NRXN3: variants seen among roughly 807,000 people sequenced by gnomAD.
NRXN3 encodes neurexin III.
Under a neutral mutation model 137.6 loss-of-function variants are expected in NRXN3, and 32 were observed. The observed-to-expected ratio is 0.23, with a 90% confidence interval of 0.18 to 0.31. The LOEUF (loss-of-function observed/expected upper bound fraction) is 0.31. Among genes scored for constraint, NRXN3 ranks in the 10% least tolerant of loss-of-function variants. NRXN3 has a pLI of 1.00. For missense variants in NRXN3, 1,574 were observed against 2,062.5 expected (o/e 0.76, Z 4.59); for synonymous variants, 798 against 784.5 (o/e 1.02, Z -0.29).
chr14:79,617,930 A>AAGAAAAAAAAAAG (rs1555565719), intron 16 of NRXN3, among the ~76,000 whole-genome samples: 1 of 148,734 alleles, frequency 6.7e-6, no homozygotes, highest in African/African-American at 2.6e-5. Context: ...AAAAAAAAAA[A>AAGAAAAAAAAAAG]AACATGCTTA....
chr14:79,274,573 C>G (rs1245489145), intron 15 of NRXN3, among the ~76,000 whole-genome samples: 2 of 150,076 alleles, frequency 1.3e-5, no homozygotes, highest in Admixed American at 6.6e-5. Context: ...TGTAAATGCC[C>G]AAATCTCTCT....
chr14:79,326,132 G>T (rs2090826079), intron 15 of NRXN3, among the ~76,000 whole-genome samples: 1 of 152,222 alleles, frequency 6.6e-6, no homozygotes, highest in South Asian at 2.1e-4. Flanking sequence ...CTTAGTATTT[G>T]TGCCACAGGG....
chr14:78,648,553 A>C (rs1323459520), intron 5 of NRXN3, among the ~76,000 whole-genome samples: 1 of 152,208 alleles, frequency 6.6e-6, no homozygotes, highest in Non-Finnish European at 1.5e-5. Context: ...TATTAATTCT[A>C]AACTGAAGGA....
intron 16 of NRXN3, chr14:79,661,929 CGT>C (rs2153985220): frequency 6.6e-6 from 1 of 152,200 alleles, no homozygotes; most frequent in South Asian, 2.1e-4. Flanking sequence ...ATAATCCCAA[CGT>C]GTTGTGGGAG....
chr14:78,597,028 A>T (rs2097162823), intron 4 of NRXN3, among the ~76,000 whole-genome samples: 1 of 152,168 alleles, frequency 6.6e-6, no homozygotes, highest in Non-Finnish European at 1.5e-5. Context: ...CCTGATCAAC[A>T]GAGAGAGAGT....
At chr14:78,999,045 C>G (rs1167869170) in intron 15 of NRXN3, among the ~76,000 whole-genome samples, 1 of 152,124 alleles carries the variant, frequency 6.6e-6, no homozygotes, top group African/African-American at 2.4e-5. Flanking sequence ...TCTTTGACCA[C>G]TGATTCATGT....
chr14:79,236,264 G>T (rs1361533901), intron 15 of NRXN3, among the ~76,000 whole-genome samples: 1 of 151,954 alleles, frequency 6.6e-6, no homozygotes. Flanking sequence ...AGTACTCAAT[G>T]ATGTATTTCT....
At chr14:78,631,414 C>G (rs184004430) in intron 4 of NRXN3, among the ~76,000 whole-genome samples, 2 of 152,296 alleles carry the variant, frequency 1.3e-5, no homozygotes, top group East Asian at 3.9e-4. Context: ...CTGGGATCTC[C>G]TACCACAGTT....
At chr14:78,850,628 A>T (rs1022142946) in intron 10 of NRXN3, among the ~76,000 whole-genome samples, 1 of 152,158 alleles carries the variant, frequency 6.6e-6, no homozygotes, top group African/African-American at 2.4e-5. Flanking sequence ...AAACAAAGTG[A>T]TGAAAATTTC....
intron 15 of NRXN3, among the ~76,000 whole-genome samples, chr14:79,380,857 C>T (rs763117935): frequency 4.8e-4 from 73 of 152,190 alleles, no homozygotes; most frequent in South Asian, 8.3e-4. Context: ...GGATCTAGAA[C>T]TAGACCTAGA....
intron 4 of NRXN3, among the ~76,000 whole-genome samples, chr14:78,315,734 G>A (rs1403249065): frequency 6.6e-6 from 1 of 152,110 alleles, no homozygotes; most frequent in Non-Finnish European, 1.5e-5. Context: ...GTTTTATTGT[G>A]ATCACTGGGT....
At chr14:78,643,669 C>T (rs536695873) in intron 4 of NRXN3, among the ~76,000 whole-genome samples, 29 of 152,284 alleles carry the variant, frequency 1.9e-4, no homozygotes, top group Middle Eastern at 3.4e-3. Context: ...AACCCCTAGT[C>T]CTCAACCCAT....
At chr14:78,248,314 C>CCCCCCCCCCCCCCCCCCCCCCCCCCA (rs71131639) in intron 2 of NRXN3, among the ~76,000 whole-genome samples, 1 of 47,552 alleles carries the variant, frequency 2.1e-5, no homozygotes, top group African/African-American at 8.0e-5. Context: ...CCCCCCCCCC[C>CCCCCCCCCCCCCCCCCCCCCCCCCCA]CCACCCGCCA....
chr14:79,786,133 C>T (rs1023255624), intron 19 of NRXN3, among the ~76,000 whole-genome samples: 1 of 152,096 alleles, frequency 6.6e-6, no homozygotes, highest in Non-Finnish European at 1.5e-5. Context: ...TTTTATATTA[C>T]CCTTGCTAGT....
rs139233970 is a variant in NRXN3, at chr14:79,462,834, T to C, written c.3263-4387T>C. ...ACATAGACAAATATATATATGCTTATGTATATGTATATGTGCATACACAAT... is the reference window on the plus strand; with the variant it reads ...ACATAGACAAATATATATATGCTTACGTATATGTATATGTGCATACACAAT... On this transcript the variant is annotated intron_variant, in intron 15 of 20. Coordinates refer to ENST00000335750, the MANE Select transcript of NRXN3 (RefSeq NM_001330195.2). Among the ~76,000 whole-genome samples, 1,014 of 151,938 alleles carry C rather than the reference T, an allele frequency of 6.7e-3. 17 individuals carry two copies. Among genetic ancestry groups the C allele is most frequent in the African/African-American group, 0.023 (948 of 41,402 alleles).
intron 15 of NRXN3, among the ~76,000 whole-genome samples, chr14:79,273,638 T>G (rs1433979184): frequency 1.3e-5 from 2 of 151,846 alleles, no homozygotes; most frequent in Non-Finnish European, 2.9e-5. Context: ...CGTCTCAAAA[T>G]AAATAAATAC....
chr14:79,820,381 A>T (rs1021603311), intron 20 of NRXN3, among the ~76,000 whole-genome samples: 3 of 152,182 alleles, frequency 2.0e-5, no homozygotes, highest in Non-Finnish European at 2.9e-5. Flanking sequence ...CCTGAGGTGA[A>T]TAACGTGTTC....
chr14:79,408,992 C>A (rs2095365293), intron 15 of NRXN3, among the ~76,000 whole-genome samples: 1 of 151,996 alleles, frequency 6.6e-6, no homozygotes, highest in Non-Finnish European at 1.5e-5. Context: ...CAGAAATCTC[C>A]TTTGGTCTAT....
chr14:78,956,899 C>T (rs776874162), intron 10 of NRXN3, among the ~76,000 whole-genome samples: 12 of 152,138 alleles, frequency 7.9e-5, no homozygotes, highest in Admixed American at 1.3e-4. Flanking sequence ...TAAAGGAATT[C>T]GTCTGGATTC....
Sources: gnomAD v4.1 joint callset for allele counts (sites outside exome capture counted in the v4.1 genomes callset) on GRCh38, gnomAD v4.1.1 for gene constraint, MANE v1.5 for transcripts, NCBI Gene and HGNC (gene_info 2026-07-23, HGNC 2026-07-21) for gene names.